Variants in TSBP1 observed in about 807,000 individuals in gnomAD.
TSBP1 encodes the protein testis expressed basic protein 1, also known as testis-expressed basic protein 1.
TSBP1 carries 56 observed loss-of-function variants against 68.8 expected under a neutral mutation model. That is an observed-to-expected ratio of 0.81 (90% CI 0.66 to 1.02). The LOEUF (loss-of-function observed/expected upper bound fraction) is 1.02. Among genes scored for constraint, TSBP1 ranks in the 50% least tolerant of loss-of-function variants. The pLI is 0.00. For synonymous variants in TSBP1, 171 were observed against 208.7 expected, an observed-to-expected ratio of 0.82 and a Z score of 1.56; for missense variants, 502 against 641.2, an observed-to-expected ratio of 0.78 and a Z score of 2.34.
In TSBP1 at chr6:32,314,364, TG is replaced by T. The variant is rs1766729792; in HGVS notation, c.580+1407del. ...TGAAAAGGACACTATGCATTCAATTTGGGTTCTGCCTTGTAATTTCTAGCTG... is the reference window on the plus strand; with the variant it reads ...TGAAAAGGACACTATGCATTCAATTTGGTTCTGCCTTGTAATTTCTAGCTG... On this transcript the variant is annotated intron_variant, in intron 19 of 22. Coordinates refer to ENST00000612031, the Ensembl canonical transcript of TSBP1. This position sits in a 1 kb window ranked among gnomAD's most constrained non-coding sequence, Gnocchi z 4.2. Among the ~76,000 whole-genome samples the T allele has an allele frequency of 6.6e-6, 1 of 152,226 alleles. No homozygotes were observed. Among genetic ancestry groups the T allele is most frequent in the African/African-American group, 2.4e-5 (1 of 41,464 alleles).
Position 32,343,193 on chromosome 6 carries a change from A to C in TSBP1, c.350-3555T>G. The C allele has an allele frequency of 8.0e-7, 1 of 1,253,156 alleles. No individual in the cohort carries two copies. 77.6% of individuals were successfully genotyped at this position (1,253,156 alleles called of 1,614,324 possible). A position where few individuals can be genotyped will look rare whatever the true frequency, so the allele number is the denominator to read the frequency against. On this transcript the variant is annotated intron_variant, in intron 9 of 22. Transcript: ENST00000612031. This position sits in a 1 kb window ranked among gnomAD's most constrained non-coding sequence, Gnocchi z 4.3. Reference sequence around the variant, plus strand: ...CAGGGAGAAGTCCTCTGCCTAGCATAGGAGCCCAACAACACCAGAGTTTGA... The same window carrying C: ...CAGGGAGAAGTCCTCTGCCTAGCATCGGAGCCCAACAACACCAGAGTTTGA...
chr6:32,349,158 C>A (rs1042610585), intron 9 of TSBP1, among the ~76,000 whole-genome samples: 1 of 151,042 alleles, frequency 6.6e-6, no homozygotes, highest in East Asian at 1.9e-4. Flanking sequence ...ACAAAAAATT[C>A]ATGTGGTTGT....
In TSBP1 at chr6:32,302,638, C is replaced by G. The variant is rs1765422143; in HGVS notation, c.581-9G>C. 1 of 1,540,582 alleles carries G rather than the reference C, an allele frequency of 6.5e-7. No individual in the cohort carries two copies. The highest frequency in any genetic ancestry group is 1.2e-5 in the South Asian group (1 of 82,382). On this transcript the variant is annotated splice_polypyrimidine_tract_variant and intron_variant, in intron 19 of 22. Coordinates refer to ENST00000612031, the Ensembl canonical transcript of TSBP1. This position sits in a 1 kb window ranked among gnomAD's most constrained non-coding sequence, Gnocchi z 5.1. ...GTGAACTTGAGGTATTCCTGAAAATCAAAACAAGAAAATAGGTTAATGGCA... is the reference window on the plus strand; with the variant it reads ...GTGAACTTGAGGTATTCCTGAAAATGAAAACAAGAAAATAGGTTAATGGCA...
chr6:32,311,067 T>A (rs987380446), intron 19 of TSBP1, among the ~76,000 whole-genome samples: 1 of 152,146 alleles, frequency 6.6e-6, no homozygotes, highest in African/African-American at 2.4e-5. Context: ...ATTGAAATAC[T>A]ATCTTCTCTT....
chr6:32,354,200 T>C (rs1772018282), intron 8 of TSBP1, among the ~76,000 whole-genome samples: 1 of 144,876 alleles, frequency 6.9e-6, no homozygotes. Context: ...TAACATAACA[T>C]ATAAAAGTTG....
intron 19 of TSBP1, among the ~76,000 whole-genome samples, chr6:32,310,278 CTGTG>C (rs1766253569): frequency 6.6e-6 from 1 of 151,836 alleles, no homozygotes; most frequent in Admixed American, 6.6e-5. Flanking sequence ...ATATATCTGT[CTGTG>C]TGTTTTAAAG....
chr6:32,293,737 C>G lies in TSBP1; in HGVS notation c.936G>C (p.Glu312Asp), dbSNP rs1320237199. ...CTCCCTGTCCTTGTGGTATACTCAT[C>G]TCACTGATTTTTAGTTGGGTTTCCT... Residue 312 changes from glutamate to aspartate, a missense_variant, in exon 23 of 23, where the codon GAG becomes GAC. By Grantham distance (45) the Glu-to-Asp change is conservative (BLOSUM62 2). Coordinates refer to ENST00000612031, the Ensembl canonical transcript of TSBP1. 5 of 1,612,856 alleles carry G rather than the reference C, an allele frequency of 3.1e-6. No homozygotes were observed. In the African/African-American group the frequency reaches 4.0e-5, roughly 13 times the overall value.
At chr6:32,369,849 C>T in intron 2 of TSBP1, 48 bp downstream of exon 2, 1 of 1,150,050 alleles carries the variant, frequency 8.7e-7, no homozygotes, top group Non-Finnish European at 1.3e-6. Flanking sequence ...GCATCCCTCC[C>T]TCCGTGGTTT....
At chr6:32,311,524 G>C (rs1230906908) in intron 19 of TSBP1, among the ~76,000 whole-genome samples, 1 of 152,168 alleles carries the variant, frequency 6.6e-6, no homozygotes, top group Non-Finnish European at 1.5e-5. Context: ...AATTAAAAGG[G>C]AAAGGATTCT....
At chr6:32,332,210 A>T (rs1291095630) in intron 14 of TSBP1, among the ~76,000 whole-genome samples, 156 bp from the exon 16 acceptor site, 1 of 152,192 alleles carries the variant, frequency 6.6e-6, no homozygotes. Flanking sequence ...CAACTATATT[A>T]ACTATAGAAA....
chr6:32,330,930 C>T (rs1480557128), intron 15 of TSBP1, among the ~76,000 whole-genome samples: 5 of 152,188 alleles, frequency 3.3e-5, no homozygotes, highest in African/African-American at 9.7e-5. Context: ...TCCCAAAGTG[C>T]TGGGATTACA....
chr6:32,313,389 C>T (rs1162784781), intron 19 of TSBP1, among the ~76,000 whole-genome samples: 1 of 152,204 alleles, frequency 6.6e-6, no homozygotes, highest in Non-Finnish European at 1.5e-5. Context: ...CTACAATAGG[C>T]CAATATATAT....
At position 32,325,549 on chromosome 6, in the gene TSBP1, G is replaced by A. The variant is rs1768130548; in HGVS notation, c.515-1935C>T. ...ACTGTGAAAAAGATATATGCTGGTGGCATTAAAGAAGACACTGAAGAAATC... is the reference window on the plus strand; with the variant it reads ...ACTGTGAAAAAGATATATGCTGGTGACATTAAAGAAGACACTGAAGAAATC... On this transcript the variant is annotated intron_variant, in intron 16 of 22. Coordinates refer to ENST00000612031, the Ensembl canonical transcript of TSBP1. The surrounding 1 kb of genome is among the most constrained non-coding windows in gnomAD (Gnocchi z 4.4). 2.3e-6 allele frequency: 2 copies of A among 851,962 alleles called. No individual in the cohort carries two copies. The highest frequency in any genetic ancestry group is 1.7e-5 in the African/African-American group (1 of 59,960). 52.8% of individuals were successfully genotyped at this position (851,962 alleles called of 1,614,324 possible).
At chr6:32,332,214 A>G (rs1433567928) in intron 14 of TSBP1, among the ~76,000 whole-genome samples, 160 bp from the exon 16 acceptor site, 5 of 152,304 alleles carry the variant, frequency 3.3e-5, no homozygotes, top group African/African-American at 1.2e-4. Context: ...TATATTAACT[A>G]TAGAAAAAAG....
intron 9 of TSBP1, 137 bp downstream of exon 9, chr6:32,349,603 A>C (rs963758193): frequency 3.2e-6 from 2 of 620,622 alleles, no homozygotes; most frequent in Non-Finnish European, 5.7e-6. Flanking sequence ...GGTTATGGAG[A>C]ACAAAGAAAT....
chr6:32,323,608 G>T (rs965279673), exon 17 of TSBP1: 35 of 1,612,206 alleles, frequency 2.2e-5, no homozygotes, highest in Middle Eastern at 3.3e-4. Context: ...TGCTGAAGGT[G>T]GACCAGCTGA....
intron 8 of TSBP1, 80 bp downstream of exon 8, chr6:32,355,044 T>A (rs1464456499): frequency 7.8e-7 from 1 of 1,280,992 alleles, no homozygotes; most frequent in African/African-American, 1.5e-5. Flanking sequence ...AAAACTTTCT[T>A]AAAAGAGAAA....
intron 19 of TSBP1, among the ~76,000 whole-genome samples, chr6:32,311,287 C>T (rs1482704510): frequency 6.6e-6 from 1 of 152,132 alleles, no homozygotes; most frequent in Non-Finnish European, 1.5e-5. Flanking sequence ...TTATTTCCCA[C>T]CCAATCTCTC....
intron 22 of TSBP1, among the ~76,000 whole-genome samples, chr6:32,297,226 T>C (rs1227779487): frequency 6.6e-6 from 1 of 152,166 alleles, no homozygotes; most frequent in African/African-American, 2.4e-5. Flanking sequence ...ACATACAGTG[T>C]AAATCTTCAT....
Sources: gnomAD v4.1 joint callset for allele counts (sites outside exome capture counted in the v4.1 genomes callset) on GRCh38, gnomAD v4.1.1 for gene constraint, Gnocchi (gnomAD v3.1) non-coding constraint, MANE v1.5 for transcripts, NCBI Gene and HGNC (gene_info 2026-07-23, HGNC 2026-07-21) for gene names.